VWC2L: variants seen among roughly 807,000 people sequenced by gnomAD.
VWC2L encodes the protein von Willebrand factor C domain-containing protein 2-like.
VWC2L carries 10 observed loss-of-function variants against 21.6 expected under a neutral mutation model. The observed-to-expected ratio is 0.46, with a 90% CI of 0.29 to 0.78. VWC2L has a LOEUF of 0.78. Among genes scored for constraint, VWC2L ranks in the 30% least tolerant of loss-of-function variants. The pLI is 0.10. For missense variants in VWC2L, 209 were observed against 277.1 expected (o/e 0.75, Z 1.74); for synonymous variants, 96 against 94.3 (o/e 1.02, Z -0.10).
chr2:214,548,889 C>T (rs576424202), intron 3 of VWC2L, among the ~76,000 whole-genome samples: 1 of 152,196 alleles, frequency 6.6e-6, no homozygotes, highest in Non-Finnish European at 1.5e-5. Context: ...TAGTTTTTAC[C>T]TTCTTATTGC....
intron 3 of VWC2L, among the ~76,000 whole-genome samples, chr2:214,540,477 AG>A (rs1574626184): frequency 6.6e-6 from 1 of 152,278 alleles, no homozygotes. Context: ...ACAAGACACT[AG>A]CTTTTCCATT....
At chr2:214,532,659 G>A (rs1689457889) in intron 3 of VWC2L, among the ~76,000 whole-genome samples, 1 of 152,078 alleles carries the variant, frequency 6.6e-6, no homozygotes, top group African/African-American at 2.4e-5. Context: ...TTTTGTGTAT[G>A]GTTGTTGTGT....
Position 214,453,304 on chromosome 2 carries a change from T to G in VWC2L, c.520+16546T>G, listed in dbSNP as rs1282627862. 2.0e-5 allele frequency among the ~76,000 whole-genome samples: 3 copies of G among 152,214 alleles called. No individual in the cohort carries two copies. The East Asian group carries it at 5.8e-4, about 29-fold the overall frequency. On this transcript the variant is annotated intron_variant, in intron 3 of 3. Transcript: ENST00000312504. The stretch of plus-strand genomic sequence containing the variant: ...TTTTAAATATGAATATCCAGTTGTT[T>G]TAGCACCATTTGCCAAGACAACTAT...
intron 2 of VWC2L, among the ~76,000 whole-genome samples, chr2:214,430,380 G>A (rs907242546): frequency 6.6e-6 from 1 of 151,964 alleles, no homozygotes; most frequent in Non-Finnish European, 1.5e-5. Context: ...TTACAGAAAA[G>A]GTATTTGTTT....
intron 3 of VWC2L, 124 bp downstream of exon 3, chr2:214,436,882 G>A (rs1702686516): frequency 2.7e-6 from 3 of 1,115,324 alleles, no homozygotes; most frequent in East Asian, 5.0e-5. Context: ...TATGGGCATG[G>A]CGGATGTATA....
At position 214,435,204 on chromosome 2, in the gene VWC2L, T is replaced by C. The variant is rs1226864258; in HGVS notation, c.391-1425T>C. ...CTGTACGTTCTAATCTTTTTCTTAA[T>C]TTGCTGAGATTATTTAGCAGAAAAG... is the stretch of plus-strand genomic sequence containing the variant. On this transcript the variant is annotated intron_variant, in intron 2 of 3. Transcript: ENST00000312504. Among the ~76,000 whole-genome samples, 6 of 152,166 alleles carry C rather than the reference T, an allele frequency of 3.9e-5. No individual in the cohort carries two copies. In the East Asian group the frequency reaches 1.2e-3, roughly 29 times the overall value.
At chr2:214,542,613 G>A (rs1689645445) in intron 3 of VWC2L, among the ~76,000 whole-genome samples, 1 of 152,144 alleles carries the variant, frequency 6.6e-6, no homozygotes, top group South Asian at 2.1e-4. Context: ...GCAGTGACGG[G>A]GTGCCCTAGG....
At chr2:214,444,003 G>A (rs1232357903) in intron 3 of VWC2L, among the ~76,000 whole-genome samples, 1 of 152,072 alleles carries the variant, frequency 6.6e-6, no homozygotes, top group African/African-American at 2.4e-5. Context: ...TGAACGTGCA[G>A]ATGTCAAAAC....
Position 214,576,014 on chromosome 2 carries a change from A to G in VWC2L, c.*194A>G. The G allele has an allele frequency of 4.1e-6, 2 of 489,656 alleles. No homozygotes were observed. Among genetic ancestry groups the G allele is most frequent in the Non-Finnish European group, 3.5e-6 (1 of 282,272 alleles). 30.3% of individuals were successfully genotyped at this position (489,656 alleles called of 1,614,324 possible). Reference sequence around the variant, plus strand: ...TTCTCTCTTGCTATATAAAATATATATAGTATATAGCTATCTAAATCGCTT... The same window carrying G: ...TTCTCTCTTGCTATATAAAATATATGTAGTATATAGCTATCTAAATCGCTT... On this transcript the variant is annotated 3_prime_UTR_variant, in exon 4 of 4. Coordinates refer to ENST00000312504, the MANE Select transcript of VWC2L (RefSeq NM_001080500.4).
At chr2:214,448,104 T>C (rs1271631891) in intron 3 of VWC2L, among the ~76,000 whole-genome samples, 1 of 152,148 alleles carries the variant, frequency 6.6e-6, no homozygotes, top group Middle Eastern at 3.2e-3. Flanking sequence ...TTCTCCACCA[T>C]ACCTACTGCC....
chr2:214,575,952 T>C lies in VWC2L; in HGVS notation c.*132T>C. On this transcript the variant is annotated 3_prime_UTR_variant, in exon 4 of 4. Transcript: ENST00000312504. ...GGGTCACCAGCAAAACTTTCTAGGG[T>C]TGACAAAAGTGAATATTTTCCTAAG... is the stretch of plus-strand genomic sequence containing the variant. 1 of 1,010,804 alleles carries C rather than the reference T, an allele frequency of 9.9e-7. No individual in the cohort carries two copies. The highest frequency in any genetic ancestry group is 1.4e-6 in the Non-Finnish European group (1 of 703,318). The allele number at this position is 1,010,804 out of a possible 1,614,324, so 62.6% of individuals were successfully genotyped here.
intron 3 of VWC2L, among the ~76,000 whole-genome samples, chr2:214,535,670 A>G (rs575682712): frequency 6.6e-6 from 1 of 152,212 alleles, no homozygotes; most frequent in East Asian, 1.9e-4. Flanking sequence ...AGTATTGGGT[A>G]TTGGTCTGAC....
At chr2:214,429,949 G>A (rs918190664) in intron 2 of VWC2L, among the ~76,000 whole-genome samples, 5 of 151,782 alleles carry the variant, frequency 3.3e-5, no homozygotes, top group African/African-American at 4.8e-5. Context: ...TCAGCCTTCC[G>A]AGTAGCTGGG....
At chr2:214,457,443 G>C (rs1703073392) in intron 3 of VWC2L, among the ~76,000 whole-genome samples, 1 of 151,972 alleles carries the variant, frequency 6.6e-6, no homozygotes, top group Non-Finnish European at 1.5e-5. Context: ...TGCAAAGAGT[G>C]GTAATTTGAC....
At chr2:214,436,282 C>T (rs11891820) in intron 2 of VWC2L, 3 of 181,966 alleles carry the variant, frequency 1.6e-5, no homozygotes, top group East Asian at 1.3e-4. Context: ...CAGTAGAATG[C>T]CTGTTTACGA....
In VWC2L at chr2:214,523,908, T is replaced by C. The variant is rs557127736; in HGVS notation, c.521-51764T>C. The stretch of plus-strand genomic sequence containing the variant: ...ATCCTGACAAATATTCTGCTTTTAG[T>C]GCTTAATTTAATGCTTAAATTTACT... On this transcript the variant is annotated intron_variant, in intron 3 of 3. Coordinates refer to ENST00000312504, the MANE Select transcript of VWC2L (RefSeq NM_001080500.4). Among the ~76,000 whole-genome samples, 327 of 152,328 alleles carry C rather than the reference T, an allele frequency of 2.1e-3. 1 individual carries two copies. Among genetic ancestry groups the C allele is most frequent in the African/African-American group, 7.5e-3 (311 of 41,564 alleles).
intron 3 of VWC2L, chr2:214,473,709 C>T (rs1703342191): frequency 6.7e-6 from 1 of 149,730 alleles, no homozygotes; most frequent in South Asian, 2.1e-4. Context: ...CTTACAACAA[C>T]TTTAATTCCA....
intron 3 of VWC2L, among the ~76,000 whole-genome samples, chr2:214,533,626 C>A (rs754522143): frequency 2.6e-5 from 4 of 151,642 alleles, no homozygotes; most frequent in African/African-American, 9.7e-5. Context: ...CTCAAAGACA[C>A]AGTTGTTATT....
chr2:214,514,721 G>A (rs1689114070), intron 3 of VWC2L, among the ~76,000 whole-genome samples: 1 of 152,152 alleles, frequency 6.6e-6, no homozygotes, highest in Non-Finnish European at 1.5e-5. Flanking sequence ...AGAAAAGGAG[G>A]GCTGGATCCT....
Sources: gnomAD v4.1 joint callset for allele counts (sites outside exome capture counted in the v4.1 genomes callset) on GRCh38, gnomAD v4.1.1 for gene constraint, MANE v1.5 for transcripts, NCBI Gene and HGNC (gene_info 2026-07-23, HGNC 2026-07-21) for gene names.